KIAA1328: variants seen among roughly 807,000 people sequenced by gnomAD.
KIAA1328 encodes KIAA1328, also known as protein hinderin.
KIAA1328 carries 52 observed loss-of-function variants against 68.1 expected under a neutral mutation model. The observed-to-expected ratio is 0.76, with a 90% CI of 0.61 to 0.96. KIAA1328 has a LOEUF of 0.96. Ranked by LOEUF, KIAA1328 falls within the 40% of genes least tolerant of loss-of-function variation. The probability of loss-of-function intolerance (pLI) is 0.00; values close to 1 mark genes in which losing one functional copy is unlikely to be tolerated. For synonymous variants in KIAA1328, 232 were observed against 239.4 expected, an observed-to-expected ratio of 0.97 and a Z score of 0.28; for missense variants, 641 against 677.6, an observed-to-expected ratio of 0.95 and a Z score of 0.60.
chr18:36,918,265 T>C (rs2049784773), intron 5 of KIAA1328, among the ~76,000 whole-genome samples: 1 of 152,134 alleles, frequency 6.6e-6, no homozygotes, highest in South Asian at 2.1e-4. Context: ...AGCCTTCTTT[T>C]GACGTTCTTA....
chr18:37,030,207 A>AT (rs758307004), intron 6 of KIAA1328, among the ~76,000 whole-genome samples: 1 of 150,662 alleles, frequency 6.6e-6, no homozygotes, highest in Non-Finnish European at 1.5e-5. Flanking sequence ...CTTCATTCAT[A>AT]TTTTTTTCAG....
intron 7 of KIAA1328, among the ~76,000 whole-genome samples, chr18:37,141,963 A>C (rs994198911): frequency 6.6e-6 from 1 of 152,224 alleles, no homozygotes; most frequent in Non-Finnish European, 1.5e-5. Flanking sequence ...AGTCTTCATC[A>C]GATGTATTGT....
Position 36,895,825 on chromosome 18 carries a change from T to A in KIAA1328, c.448+10153T>A, listed in dbSNP as rs570002534. The A allele has an allele frequency of 6.6e-6, 3 of 455,380 alleles. No homozygotes were observed. In the East Asian group the frequency reaches 2.1e-4, roughly 32 times the overall value. The allele number at this position is 455,380 out of a possible 1,614,324, so 28.2% of individuals were successfully genotyped here. On this transcript the variant is annotated intron_variant, in intron 5 of 9. Transcript: ENST00000280020. ...TAGAGCCCTAATCCAATGACTGTTG[T>A]CCTAGAAGAAGAGCAGAGAGATCTC...
At chr18:37,019,615 G>T (rs1245031875) in intron 6 of KIAA1328, among the ~76,000 whole-genome samples, 2 of 152,354 alleles carry the variant, frequency 1.3e-5, no homozygotes, top group African/African-American at 4.8e-5. Context: ...TTCTCTGCAT[G>T]GGGATGGGCA....
At chr18:37,109,205 T>A (rs2057859965) in intron 7 of KIAA1328, among the ~76,000 whole-genome samples, 1 of 152,218 alleles carries the variant, frequency 6.6e-6, no homozygotes, top group African/African-American at 2.4e-5. Flanking sequence ...TGGTTCCAAG[T>A]CTTTGCTATT....
At chr18:37,205,191 A>G (rs2060194847) in intron 9 of KIAA1328, among the ~76,000 whole-genome samples, 1 of 152,154 alleles carries the variant, frequency 6.6e-6, no homozygotes, top group Admixed American at 6.5e-5. Flanking sequence ...GTCCAACCAT[A>G]TCATCTGGGA....
chr18:36,871,398 C>CT (rs2047939631), intron 4 of KIAA1328, among the ~76,000 whole-genome samples: 3 of 152,070 alleles, frequency 2.0e-5, no homozygotes, highest in African/African-American at 7.2e-5. Flanking sequence ...AATTGACATG[C>CT]CTTTTTGCTG....
At chr18:36,949,597 T>TCCCACCC (rs2051061600) in intron 5 of KIAA1328, among the ~76,000 whole-genome samples, 1 of 57,360 alleles carries the variant, frequency 1.7e-5, no homozygotes, top group Non-Finnish European at 3.4e-5. Context: ...TCTACCCAGC[T>TCCCACCC]CCCCCCCCCC....
chr18:37,035,721 C>G (rs895901454), intron 6 of KIAA1328, among the ~76,000 whole-genome samples: 2 of 152,082 alleles, frequency 1.3e-5, no homozygotes, highest in African/African-American at 4.8e-5. Context: ...TGAGATTGAT[C>G]TGTGTTAAGA....
At chr18:36,858,512 A>G (rs1209478478) in intron 4 of KIAA1328, among the ~76,000 whole-genome samples, 1 of 152,210 alleles carries the variant, frequency 6.6e-6, no homozygotes, top group Non-Finnish European at 1.5e-5. Flanking sequence ...TAACACTGGT[A>G]TAGTACTGTT....
chr18:37,001,575 C>G (rs1015795943), intron 6 of KIAA1328, among the ~76,000 whole-genome samples: 1 of 152,088 alleles, frequency 6.6e-6, no homozygotes, highest in African/African-American at 2.4e-5. Context: ...AAGAAAATTA[C>G]AGGCTAGTAT....
At chr18:37,086,964 G>A (rs1290441907) in intron 7 of KIAA1328, among the ~76,000 whole-genome samples, 3 of 152,086 alleles carry the variant, frequency 2.0e-5, no homozygotes, top group African/African-American at 7.2e-5. Flanking sequence ...CTAATGTATT[G>A]TCTCTTTTGA....
At chr18:36,994,875 T>TA (rs2053328188) in intron 6 of KIAA1328, among the ~76,000 whole-genome samples, 1 of 152,186 alleles carries the variant, frequency 6.6e-6, no homozygotes, top group Admixed American at 6.5e-5. Context: ...CAATAGCAGT[T>TA]AGCCTACTTG....
chr18:37,074,065 C>T (rs1187070885), intron 7 of KIAA1328, among the ~76,000 whole-genome samples: 4 of 152,160 alleles, frequency 2.6e-5, no homozygotes, highest in Non-Finnish European at 5.9e-5. Context: ...TCCCACTGGA[C>T]CTTTGCTGGT....
intron 4 of KIAA1328, among the ~76,000 whole-genome samples, chr18:36,877,143 G>A (rs888468345): frequency 3.9e-5 from 6 of 152,194 alleles, no homozygotes; most frequent in African/African-American, 1.4e-4. Context: ...TGAGAAGAAT[G>A]TATATTCTGT....
intron 7 of KIAA1328, among the ~76,000 whole-genome samples, chr18:37,069,484 CT>C (rs2056456599): frequency 2.0e-5 from 3 of 151,952 alleles, no homozygotes; most frequent in East Asian, 3.9e-4. Flanking sequence ...CTTTTTTCCC[CT>C]GTGTCCTTGT....
At chr18:37,074,449 T>C (rs535763306) in intron 7 of KIAA1328, among the ~76,000 whole-genome samples, 1 of 152,330 alleles carries the variant, frequency 6.6e-6, no homozygotes, top group Admixed American at 6.5e-5. Flanking sequence ...GTAGATTTGG[T>C]CTTTTCACAC....
At chr18:37,183,548 C>T (rs1290456619) in intron 9 of KIAA1328, among the ~76,000 whole-genome samples, 1 of 152,124 alleles carries the variant, frequency 6.6e-6, no homozygotes, top group Non-Finnish European at 1.5e-5. Context: ...TTTTCTGTCC[C>T]CTACCCAAGC....
At chr18:37,134,715 T>G (rs1249590122) in intron 7 of KIAA1328, among the ~76,000 whole-genome samples, 3 of 152,232 alleles carry the variant, frequency 2.0e-5, no homozygotes, top group Admixed American at 6.5e-5. Context: ...TAATTTCAAC[T>G]TTTATTTTAG....
Sources: gnomAD v4.1 joint callset for allele counts (sites outside exome capture counted in the v4.1 genomes callset) on GRCh38, gnomAD v4.1.1 for gene constraint, MANE v1.5 for transcripts, NCBI Gene and HGNC (gene_info 2026-07-23, HGNC 2026-07-21) for gene names.